Variants in ANKFN1 observed in about 807,000 individuals in gnomAD.
ANKFN1 encodes ankyrin repeat and fibronectin type III domain containing 1, also known as ankyrin repeat and fibronectin type-III domain-containing protein 1.
Under a neutral mutation model 108.7 loss-of-function variants are expected in ANKFN1, and 74 were observed. The ratio of observed to expected loss-of-function variants is 0.68; its 90% CI spans 0.56 to 0.83. The LOEUF is 0.83. ANKFN1 is among the 40% of genes least tolerant of loss of function. ANKFN1 has a pLI of 0.00. For missense variants in ANKFN1, 1,505 were observed against 1,382.3 expected, an observed-to-expected ratio of 1.09 and a Z score of -1.41; for synonymous variants, 547 against 516.2, an observed-to-expected ratio of 1.06 and a Z score of -0.81.
intron 1 of ANKFN1, among the ~76,000 whole-genome samples, chr17:56,204,089 C>G (rs1261381959): frequency 6.6e-6 from 1 of 152,174 alleles, no homozygotes; most frequent in African/African-American, 2.4e-5. Flanking sequence ...CTCTGTTGCT[C>G]AGGCTGAAGT....
chr17:56,059,789 T>A (rs1598085209), intron 4 of ANKFN1, among the ~76,000 whole-genome samples: 1 of 152,352 alleles, frequency 6.6e-6, no homozygotes, highest in East Asian at 1.9e-4. Flanking sequence ...TTGTTCTATA[T>A]GTCTATTTTG....
chr17:56,115,864 G>T (rs953846625), intron 4 of ANKFN1, among the ~76,000 whole-genome samples: 2 of 152,154 alleles, frequency 1.3e-5, no homozygotes, highest in Non-Finnish European at 2.9e-5. Context: ...TGAGCCCCTG[G>T]TCCTACAGGG....
chr17:56,363,148 C>T (rs1051437136), intron 6 of ANKFN1, among the ~76,000 whole-genome samples: 19 of 152,000 alleles, frequency 1.3e-4, no homozygotes, highest in African/African-American at 2.7e-4. Flanking sequence ...CGCTTGAACA[C>T]GGGAGGCACA....
In ANKFN1 at chr17:56,282,951, C is replaced by T. The variant is rs551449798; in HGVS notation, c.54-43270C>T. ...GGTAGCAGATGGAAAGGAACTGCTA[C>T]CCTATATGATTTTATTTTGTATTTT... On this transcript the variant is annotated intron_variant, in intron 3 of 20. Coordinates refer to ENST00000682825, the MANE Select transcript of ANKFN1 (RefSeq NM_001370326.1). Among the ~76,000 whole-genome samples, 6 of 152,258 alleles carry T rather than the reference C, an allele frequency of 3.9e-5. No individual in the cohort carries two copies. In the South Asian group the frequency reaches 1.0e-3, roughly 26 times the overall value.
At chr17:56,153,470 A>G (rs764873276), upstream of ANKFN1, 10 of 1,613,264 alleles carry the variant, frequency 6.2e-6, no homozygotes, top group South Asian at 3.3e-5. Context: ...TCCACCCCCC[A>G]GGTCCTCTTT....
Position 56,466,504 on chromosome 17 carries a change from G to A in ANKFN1, c.1706G>A (p.Ser569Asn). 6.2e-7 allele frequency: 1 copy of A among 1,614,060 alleles called. No individual in the cohort carries two copies. The highest frequency in any genetic ancestry group is 1.3e-5 in the African/African-American group (1 of 75,024). The stretch of plus-strand genomic sequence containing the variant: ...TGGATGCAGATCTCAAAGCTGCAAA[G>A]CCAGAGAAAGTCTCTATCAACACCT... Reference protein sequence around the residue: ...GKWMQISKLQSQRKSLSTPEE... With the variant: ...GKWMQISKLQNQRKSLSTPEE... The change falls in exon 15 of 21, where the codon AGC (serine) becomes AAC (asparagine). Residue 569 changes from serine to asparagine, a missense_variant. Coordinates refer to ENST00000682825, the MANE Select transcript of ANKFN1 (RefSeq NM_001370326.1).
intron 4 of ANKFN1, among the ~76,000 whole-genome samples, chr17:56,074,287 C>T (rs1460243069): frequency 1.3e-5 from 2 of 152,154 alleles, no homozygotes; most frequent in Non-Finnish European, 2.9e-5. Flanking sequence ...AGGGACCCAG[C>T]GGATATAACC....
intron 4 of ANKFN1, among the ~76,000 whole-genome samples, chr17:56,087,725 A>G (rs1261986434): frequency 6.6e-6 from 1 of 151,440 alleles, no homozygotes; most frequent in Admixed American, 6.6e-5. Flanking sequence ...GATCAAGACT[A>G]GACAACTGCC....
chr17:56,141,969 C>T (rs1483929108), intron 4 of ANKFN1, among the ~76,000 whole-genome samples: 1 of 123,046 alleles, frequency 8.1e-6, no homozygotes, highest in African/African-American at 3.3e-5. Context: ...CTGGCTCTGT[C>T]GCCCAGGCTG....
Position 56,301,317 on chromosome 17 carries a change from G to A in ANKFN1, c.54-24904G>A, listed in dbSNP as rs1018728638. 5.9e-5 allele frequency among the ~76,000 whole-genome samples: 9 copies of A among 152,268 alleles called. No individual in the cohort carries two copies. The South Asian group carries it at 6.2e-4, about 11-fold the overall frequency. Reference sequence around the variant, plus strand: ...TCTCCTTCCTGGCAACATGCTCACCGCCAGATTGGGCTGAATCTTTCTGGA... The same window carrying A: ...TCTCCTTCCTGGCAACATGCTCACCACCAGATTGGGCTGAATCTTTCTGGA... On this transcript the variant is annotated intron_variant, in intron 3 of 20. Transcript: ENST00000682825.
chr17:56,248,001 A>G (rs1377813941), intron 3 of ANKFN1, among the ~76,000 whole-genome samples: 1 of 152,218 alleles, frequency 6.6e-6, no homozygotes, highest in Admixed American at 6.5e-5. Flanking sequence ...TTTGAATGCA[A>G]CACATTGTCA....
chr17:56,055,610 T>TATATATATATA, intron 4 of ANKFN1, among the ~76,000 whole-genome samples: 1 of 125,710 alleles, frequency 8.0e-6, no homozygotes, highest in Non-Finnish European at 1.7e-5. Flanking sequence ...CATTTTTTTA[T>TATATATATATA]CCAGTCAATC....
rs369886626 is a variant in ANKFN1 at position 56,167,204 on chromosome 17, CAT to C, written c.-71+13682_-71+13683del. ...ATATATCATGTATACATATATGTTA[CAT>C]ATATATACATTCATATGTGTGTGCA... On this transcript the variant is annotated intron_variant, in intron 1 of 20. Coordinates refer to ENST00000682825, the MANE Select transcript of ANKFN1 (RefSeq NM_001370326.1). 3.6e-3 allele frequency among the ~76,000 whole-genome samples: 533 copies of C among 147,680 alleles called. 2 individuals are homozygous for C. Among genetic ancestry groups the C allele is most frequent in the African/African-American group, 0.011 (439 of 40,208 alleles).
chr17:56,317,381 G>A (rs73991466), intron 3 of ANKFN1, among the ~76,000 whole-genome samples: 4,521 of 152,288 alleles, frequency 0.03, 226 homozygotes, highest in African/African-American at 0.1. Context: ...TAGGAAAGGT[G>A]TAAATCCCAC....
chr17:56,378,717 C>T (rs1010385063), intron 8 of ANKFN1, among the ~76,000 whole-genome samples: 1 of 152,152 alleles, frequency 6.6e-6, no homozygotes, highest in Non-Finnish European at 1.5e-5. Context: ...GGAAATGTTA[C>T]GTCCAGAGGA....
intron 4 of ANKFN1, among the ~76,000 whole-genome samples, chr17:56,136,809 C>T (rs1295529913): frequency 6.6e-6 from 1 of 152,102 alleles, no homozygotes; most frequent in East Asian, 1.9e-4. Flanking sequence ...ATAAATGAAC[C>T]ATTATAAAAA....
upstream of ANKFN1, among the ~76,000 whole-genome samples, chr17:56,149,052 G>T (rs926630748): frequency 1.3e-5 from 2 of 152,144 alleles, no homozygotes; most frequent in African/African-American, 4.8e-5. Flanking sequence ...CATAAACTTG[G>T]GTCTGTGTGA....
chr17:56,469,777 T>C (rs1055509206), intron 15 of ANKFN1, among the ~76,000 whole-genome samples: 41 of 81,844 alleles, frequency 5.0e-4, no homozygotes, highest in Non-Finnish European at 1.0e-3. Context: ...TCAGAAAATT[T>C]TTTTTCTTTT....
chr17:56,332,174 G>A (rs2045681234), intron 4 of ANKFN1, among the ~76,000 whole-genome samples: 1 of 152,154 alleles, frequency 6.6e-6, no homozygotes. Flanking sequence ...CAACAAGCAT[G>A]ATGGAGACCA....
Sources: gnomAD v4.1 joint callset for allele counts (sites outside exome capture counted in the v4.1 genomes callset) on GRCh38, gnomAD v4.1.1 for gene constraint, MANE v1.5 for transcripts, NCBI Gene and HGNC (gene_info 2026-07-23, HGNC 2026-07-21) for gene names.